Variants in CMIP observed in about 807,000 individuals in gnomAD.
CMIP encodes the protein c-Maf inducing protein, also known as C-Maf-inducing protein.
In CMIP, 13 loss-of-function variants were observed where a neutral mutation model predicts 97.3. The observed-to-expected ratio is 0.13, with a 90% CI of 0.09 to 0.21. CMIP has a LOEUF of 0.21. CMIP is among the 10% of genes least tolerant of loss of function. The pLI is 1.00. For missense variants in CMIP, 847 were observed against 1,024.9 expected (o/e 0.83, Z 2.37); for synonymous variants, 538 against 436.3 (o/e 1.23, Z -2.91).
At chr16:81,612,943 C>G (rs910216384) in intron 2 of CMIP, among the ~76,000 whole-genome samples, 30 of 152,180 alleles carry the variant, frequency 2.0e-4, no homozygotes, top group African/African-American at 6.8e-4. Flanking sequence ...GCTCAGCCAC[C>G]AGCAGGACAG....
intron 1 of CMIP, among the ~76,000 whole-genome samples, chr16:81,583,085 T>A (rs1427292839): frequency 6.6e-6 from 1 of 152,228 alleles, no homozygotes; most frequent in African/African-American, 2.4e-5. Flanking sequence ...CTAAAGGGCC[T>A]TGGCACTCAG....
At chr16:81,499,310 C>T (rs896072898) in intron 1 of CMIP, among the ~76,000 whole-genome samples, 7 of 152,168 alleles carry the variant, frequency 4.6e-5, no homozygotes, top group African/African-American at 9.7e-5. Context: ...GAAGGACACT[C>T]GGCACACATA....
At chr16:81,592,701 G>A (rs1202495919) in intron 1 of CMIP, among the ~76,000 whole-genome samples, 2 of 152,232 alleles carry the variant, frequency 1.3e-5, no homozygotes, top group Non-Finnish European at 2.9e-5. Context: ...GAGGCCCACT[G>A]CTTGATGGAC....
rs1421124824 is a variant in CMIP, at chr16:81,616,321, G to A, written c.427-4555G>A. On this transcript the variant is annotated intron_variant, in intron 2 of 20. Transcript: ENST00000537098. This position sits in a 1 kb window ranked among gnomAD's most constrained non-coding sequence, Gnocchi z 4.7. ...TGGCCGCCAGAAGCTTCAGGAGAGC[G>A]GAGGAGGGATGGGGTCCTGGCCGAG... Among the ~76,000 whole-genome samples the A allele has an allele frequency of 2.6e-5, 4 of 152,150 alleles. No homozygotes were observed. The highest frequency in any genetic ancestry group is 4.4e-5 in the Non-Finnish European group (3 of 68,022).
intron 1 of CMIP, among the ~76,000 whole-genome samples, chr16:81,483,836 G>C (rs1278511222): frequency 2.0e-5 from 3 of 152,180 alleles, no homozygotes; most frequent in Non-Finnish European, 4.4e-5. Context: ...CCTGCAGCAT[G>C]TTATCTGTCC....
At chr16:81,457,737 C>G (rs767021785) in intron 1 of CMIP, among the ~76,000 whole-genome samples, 70 of 152,234 alleles carry the variant, frequency 4.6e-4, no homozygotes, top group Non-Finnish European at 2.2e-4. Flanking sequence ...CTGGGAACTC[C>G]TGCACCGTCC....
chr16:81,623,301 G>C (rs2092017290), intron 3 of CMIP, among the ~76,000 whole-genome samples: 1 of 152,256 alleles, frequency 6.6e-6, no homozygotes, highest in South Asian at 2.1e-4. Context: ...CTCTCATGAA[G>C]ACCTGGATGT....
chr16:81,601,144 C>T (rs2091650246), intron 1 of CMIP, among the ~76,000 whole-genome samples: 1 of 152,244 alleles, frequency 6.6e-6, no homozygotes, highest in South Asian at 2.1e-4. Context: ...TTTTCAACCC[C>T]ATCCCCGACT....
chr16:81,500,146 G>T (rs1467398222), intron 1 of CMIP, among the ~76,000 whole-genome samples: 2 of 151,862 alleles, frequency 1.3e-5, no homozygotes, highest in Non-Finnish European at 2.9e-5. Context: ...GACTTTTAGA[G>T]CTGGTGCGCA....
At chr16:81,657,426 T>C (rs1214412335) in intron 4 of CMIP, among the ~76,000 whole-genome samples, 37 of 152,184 alleles carry the variant, frequency 2.4e-4, no homozygotes, top group Admixed American at 2.4e-3. Flanking sequence ...AGTTTCACTT[T>C]GACGAGGGCC....
intron 17 of CMIP, 45 bp from the exon 18 acceptor site, chr16:81,703,894 G>T: frequency 6.4e-7 from 1 of 1,564,152 alleles, no homozygotes; most frequent in Non-Finnish European, 8.6e-7. Context: ...AGGGTCTCGG[G>T]AACTCCCAGC....
intron 1 of CMIP, among the ~76,000 whole-genome samples, chr16:81,485,384 A>G (rs1458517205): frequency 1.3e-5 from 2 of 152,138 alleles, no homozygotes; most frequent in Admixed American, 6.5e-5. Flanking sequence ...TCTTTGAGCT[A>G]TTTTACAACT....
intron 1 of CMIP, among the ~76,000 whole-genome samples, chr16:81,560,875 T>C (rs2090869088): frequency 1.3e-5 from 2 of 152,330 alleles, no homozygotes; most frequent in African/African-American, 2.4e-5. Flanking sequence ...TAGGTTTGTG[T>C]AAATACACTC....
At chr16:81,568,520 G>T (rs896584040) in intron 1 of CMIP, among the ~76,000 whole-genome samples, 3 of 152,238 alleles carry the variant, frequency 2.0e-5, no homozygotes, top group Non-Finnish European at 4.4e-5. Flanking sequence ...CCAGGCAGGA[G>T]CTCCAGGGAC....
In CMIP at chr16:81,621,464, G is replaced by A. The variant is rs2091991020; in HGVS notation, c.477+538G>A. ...ACTTCATCTTCTTGGAGACCCAGGG[G>A]CAGATCTTCTAAGAGGGGTCCCCCA... On this transcript the variant is annotated intron_variant, in intron 3 of 20. Coordinates refer to ENST00000537098, the MANE Select transcript of CMIP (RefSeq NM_198390.3). The surrounding 1 kb of genome is among the most constrained non-coding windows in gnomAD (Gnocchi z 4.1). 1 of 154,144 alleles carries A rather than the reference G, an allele frequency of 6.5e-6. No individual in the cohort carries two copies. Among genetic ancestry groups the A allele is most frequent in the Non-Finnish European group, 1.4e-5 (1 of 69,140 alleles). The allele number at this position is 154,144 out of a possible 1,614,324, so 9.5% of individuals were successfully genotyped here.
At chr16:81,487,177 G>A (rs12918871) in intron 1 of CMIP, among the ~76,000 whole-genome samples, 2 of 151,754 alleles carry the variant, frequency 1.3e-5, no homozygotes, top group African/African-American at 2.4e-5. Context: ...CGGGGGGGGT[G>A]TGGGGGCTAC....
intron 1 of CMIP, among the ~76,000 whole-genome samples, chr16:81,566,382 T>C (rs1386283517): frequency 6.6e-6 from 1 of 152,226 alleles, no homozygotes; most frequent in Non-Finnish European, 1.5e-5. Context: ...TCACTGCTGC[T>C]GTTCCTTCCT....
At chr16:81,476,951 G>A (rs1301418651) in intron 1 of CMIP, among the ~76,000 whole-genome samples, 1 of 152,050 alleles carries the variant, frequency 6.6e-6, no homozygotes, top group African/African-American at 2.4e-5. Flanking sequence ...CAGCCCCAGC[G>A]TGGAGGTCAG....
chr16:81,517,331 TTAGTACATTGATTC>T (rs1412590674), intron 1 of CMIP, among the ~76,000 whole-genome samples: 2 of 152,242 alleles, frequency 1.3e-5, no homozygotes, highest in African/African-American at 4.8e-5. Context: ...TCAGTATGTC[TTAGTACATTGATTC>T]TGTGGAATAT....
Sources: gnomAD v4.1 joint callset for allele counts (sites outside exome capture counted in the v4.1 genomes callset) on GRCh38, gnomAD v4.1.1 for gene constraint, Gnocchi (gnomAD v3.1) non-coding constraint, MANE v1.5 for transcripts, NCBI Gene and HGNC (gene_info 2026-07-23, HGNC 2026-07-21) for gene names.